The following TSGA13 variants were observed in gnomAD, a reference collection of about 807,000 sequenced individuals.
The protein encoded by TSGA13 is testis-specific gene 13 protein.
TSGA13 carries 37 observed loss-of-function variants against 35.1 expected under a neutral mutation model. That is an observed-to-expected ratio of 1.05 (90% confidence interval 0.81 to 1.39). The LOEUF (loss-of-function observed/expected upper bound fraction) is 1.39, where lower values mean the gene tolerates loss of function less well. Among genes scored for constraint, TSGA13 ranks in the 40% most tolerant of loss-of-function variants. The pLI is 0.00. For missense variants in TSGA13, 338 were observed against 328.5 expected (o/e 1.03, Z -0.22); for synonymous variants, 124 against 121.2 (o/e 1.02, Z -0.15).
intron 2 of TSGA13, among the ~76,000 whole-genome samples, chr7:130,684,455 C>T (rs1448617480): frequency 1.3e-5 from 2 of 152,162 alleles, no homozygotes; most frequent in Non-Finnish European, 2.9e-5. Context: ...CCTGCTTCTT[C>T]CTTGGAGATA....
chr7:130,682,793 G>A (rs1378925583), intron 3 of TSGA13, among the ~76,000 whole-genome samples: 1 of 152,220 alleles, frequency 6.6e-6, no homozygotes, highest in Non-Finnish European at 1.5e-5. Flanking sequence ...GCGGGAAGAA[G>A]CATAGCAAAG....
chr7:130,676,837 T>C (rs1422117099), intron 5 of TSGA13, among the ~76,000 whole-genome samples: 2 of 152,220 alleles, frequency 1.3e-5, no homozygotes, highest in African/African-American at 2.4e-5. Context: ...TTATTTAATT[T>C]GTTCTTGTTA....
At position 130,669,026 on chromosome 7, in the gene TSGA13, C is replaced by T; in HGVS notation, c.816G>A (p.Thr272=). 3 of 1,614,168 alleles carry T rather than the reference C, an allele frequency of 1.9e-6. No homozygotes were observed. Among genetic ancestry groups the T allele is most frequent in the Non-Finnish European group, 2.5e-6 (3 of 1,180,042 alleles). The part of the protein sequence containing the change: ...RAPQWIIKKA[T]VIG Reference sequence around the variant, plus strand: ...GAGGGGTCTGTGTTCACCCGATGACCGTGGCCTTTTTGATAATCCACTGCG... The same window carrying T: ...GAGGGGTCTGTGTTCACCCGATGACTGTGGCCTTTTTGATAATCCACTGCG... The change falls in exon 8 of 8, where the codon ACG becomes ACA. Residue 272 remains threonine (T), a synonymous_variant. Transcript: ENST00000356588.
chr7:130,674,458 A>G lies in TSGA13; in HGVS notation c.388-1582T>C, dbSNP rs531507683. Among the ~76,000 whole-genome samples the G allele has an allele frequency of 5.3e-5, 8 of 152,242 alleles. 1 individual carries two copies. In the South Asian group the frequency reaches 1.0e-3, roughly 20 times the overall value. ...AGCTCTGGGATTACAGGCATGAGCCACCGTGCCCAGCAGAGCCTTCTTAAC... is the reference window on the plus strand; with the variant it reads ...AGCTCTGGGATTACAGGCATGAGCCGCCGTGCCCAGCAGAGCCTTCTTAAC... On this transcript the variant is annotated intron_variant, in intron 5 of 7. Coordinates refer to ENST00000356588, the MANE Select transcript of TSGA13 (RefSeq NM_052933.4).
chr7:130,684,147 T>C (rs950283568), intron 2 of TSGA13, among the ~76,000 whole-genome samples: 3 of 152,270 alleles, frequency 2.0e-5, no homozygotes, highest in East Asian at 3.8e-4. Context: ...ATATAGTTAA[T>C]AGAACCTCAC....
chr7:130,673,730 G>A (rs534267722), intron 5 of TSGA13, among the ~76,000 whole-genome samples: 4 of 151,970 alleles, frequency 2.6e-5, no homozygotes, highest in Non-Finnish European at 4.4e-5. Context: ...CTAATGTGCG[G>A]CAATCTGAAA....
intron 6 of TSGA13, 86 bp downstream of exon 6, chr7:130,672,648 T>C (rs891261137): frequency 2.6e-6 from 4 of 1,535,112 alleles, no homozygotes; most frequent in Non-Finnish European, 3.5e-6. Context: ...AAAGAATATG[T>C]CATTAAATTG....
chr7:130,679,520 T>A (rs1313855054), intron 4 of TSGA13, among the ~76,000 whole-genome samples, 153 bp from the exon 5 acceptor site: 3 of 151,122 alleles, frequency 2.0e-5, no homozygotes, highest in African/African-American at 7.3e-5. Context: ...TTTGTTTTTG[T>A]TTTTTTTGAG....
chr7:130,669,585 A>G (rs1443017986), intron 7 of TSGA13, among the ~76,000 whole-genome samples: 1 of 152,194 alleles, frequency 6.6e-6, no homozygotes, highest in African/African-American at 2.4e-5. Flanking sequence ...CTTTGGCTTC[A>G]CTGGCATAAC....
chr7:130,669,273 G>A, intron 7 of TSGA13, 90 bp from the exon 8 acceptor site: 1 of 1,503,186 alleles, frequency 6.7e-7, no homozygotes, highest in Non-Finnish European at 9.1e-7. Flanking sequence ...GACGCACTTG[G>A]AGGGACCAGA....
intron 4 of TSGA13, among the ~76,000 whole-genome samples, chr7:130,680,626 TG>T (rs1173904753): frequency 6.6e-5 from 10 of 151,988 alleles, no homozygotes; most frequent in Admixed American, 6.5e-4. Flanking sequence ...GGCAGAGGGT[TG>T]GGGGGAAGGA....
At chr7:130,685,114 A>G in intron 2 of TSGA13, 74 bp downstream of exon 2, 1 of 1,412,956 alleles carries the variant, frequency 7.1e-7, no homozygotes, top group Non-Finnish European at 1.0e-6. Flanking sequence ...GCACCATTCA[A>G]CGTGCTGTGG....
chr7:130,669,774 C>T (rs1041600179), intron 7 of TSGA13, among the ~76,000 whole-genome samples: 2 of 152,220 alleles, frequency 1.3e-5, no homozygotes, highest in African/African-American at 4.8e-5. Context: ...TCCGACTTGA[C>T]TAAATGTACT....
Position 130,671,729 on chromosome 7 carries a change from C to T in TSGA13, c.590G>A (p.Arg197Lys), listed in dbSNP as rs141803707. ...CTGAGGGTACATTTTCTTCTGTGTC[C>T]TCAAAGCGTAGACTTTTGAATACTT... ...EGKYSKVYALRTQKKMYPQLT... is the reference protein window; with the variant it reads ...EGKYSKVYALKTQKKMYPQLT... Residue 197 changes from arginine (R) to lysine (K), a missense_variant, in exon 7 of 8, where the codon AGG becomes AAG. Physicochemically the swap from Arg to Lys is conservative, Grantham distance 26. Transcript: ENST00000356588. The T allele has an allele frequency of 1.3e-4, 208 of 1,610,646 alleles. 2 individuals carry two copies. Among genetic ancestry groups the T allele is most frequent in the African/African-American group, 1.2e-3 (92 of 74,940 alleles).
rs1420887799 is a variant in TSGA13 at position 130,686,342 on chromosome 7, A to G, written c.-231T>C. 2 of 152,254 alleles carry G rather than the reference A, an allele frequency of 1.3e-5. No individual in the cohort carries two copies. The highest frequency in any genetic ancestry group is 2.1e-4 in the South Asian group (1 of 4,830). 9.4% of individuals were successfully genotyped at this position (152,254 alleles called of 1,614,324 possible). On this transcript the variant is annotated 5_prime_UTR_variant, in exon 1 of 8. Coordinates refer to ENST00000356588, the MANE Select transcript of TSGA13 (RefSeq NM_052933.4). ...AAAATGAGCTGTCAAATTGGGCAGT[A>G]TAAGTCTTGGGTTGCTAGTCTGCAG...
chr7:130,682,339 T>G (rs1239369248), intron 3 of TSGA13, among the ~76,000 whole-genome samples: 2 of 152,122 alleles, frequency 1.3e-5, no homozygotes, highest in Non-Finnish European at 2.9e-5. Flanking sequence ...AGGCTGGTTT[T>G]GAACTCCTGA....
chr7:130,685,616 A>T (rs1274047104), intron 1 of TSGA13, among the ~76,000 whole-genome samples: 1 of 152,234 alleles, frequency 6.6e-6, no homozygotes, highest in Admixed American at 6.5e-5. Flanking sequence ...TGACATTCTA[A>T]TTCCATGATA....
In TSGA13 at chr7:130,686,430, C is replaced by T. The variant is rs1230686129; in HGVS notation, c.-319G>A. On this transcript the variant is annotated 5_prime_UTR_variant, in exon 1 of 8. Coordinates refer to ENST00000356588, the MANE Select transcript of TSGA13 (RefSeq NM_052933.4). The stretch of plus-strand genomic sequence containing the variant: ...ACATTCAAAATAAGAATGTAAAAAC[C>T]TGGTGTACACTACCTTTAAGAACAT... The T allele has an allele frequency of 6.6e-6, 1 of 152,122 alleles. No individual in the cohort carries two copies. The highest frequency in any genetic ancestry group is 1.5e-5 in the Non-Finnish European group (1 of 68,024). The allele number at this position is 152,122 out of a possible 1,614,324, so 9.4% of individuals were successfully genotyped here.
At chr7:130,683,573 A>G (rs782596061) in intron 3 of TSGA13, 21 bp downstream of exon 3, 12 of 1,604,556 alleles carry the variant, frequency 7.5e-6, no homozygotes, top group South Asian at 1.1e-5. Context: ...TAAACATTGA[A>G]CACTTACTAA....
Sources: allele counts gnomAD v4.1 joint callset (sites outside exome capture counted in the v4.1 genomes callset), GRCh38; gene constraint gnomAD v4.1.1; transcripts MANE v1.5; gene names NCBI Gene and HGNC (gene_info 2026-07-23, HGNC 2026-07-21).